The following SPAG1 variants were observed in gnomAD, a reference collection of about 807,000 sequenced individuals.
SPAG1 encodes sperm associated antigen 1, also known as sperm-associated antigen 1.
A neutral mutation model predicts 100.5 loss-of-function variants in SPAG1; 69 were observed. That is an observed-to-expected ratio of 0.69 (90% CI 0.57 to 0.84). The LOEUF (loss-of-function observed/expected upper bound fraction) is 0.84, where lower values mean the gene tolerates loss of function less well. Among genes scored for constraint, SPAG1 ranks in the 40% least tolerant of loss-of-function variants. The pLI is 0.00. For missense variants in SPAG1, 955 were observed against 1,133.1 expected (o/e 0.84, Z 2.26); for synonymous variants, 336 against 411.6 (o/e 0.82, Z 2.22).
Position 100,233,514 on chromosome 8 carries a change from G to T in SPAG1, c.2092G>T (p.Ala698Ser), listed in dbSNP as rs1818871365. 1 of 1,609,292 alleles carries T rather than the reference G, an allele frequency of 6.2e-7. No individual in the cohort carries two copies. Among genetic ancestry groups the T allele is most frequent in the African/African-American group, 1.3e-5 (1 of 74,898 alleles). ...GAACGTGAAAGCCTTCTATAGACGA[G>T]CTCTGGCTCATAAAGGACTCAAGGT... ...DGNVKAFYRR[A>S]LAHKGLKNYQ... is the part of the protein sequence containing the mutation. The change falls in exon 16 of 19, where the codon GCT (alanine) becomes TCT (serine). Residue 698 changes from alanine to serine, a missense_variant. Physicochemically the swap from Ala to Ser is moderately conservative, Grantham distance 99. Transcript: ENST00000388798.
chr8:100,229,724 T>A (rs1379971251), intron 14 of SPAG1, among the ~76,000 whole-genome samples: 1 of 152,246 alleles, frequency 6.6e-6, no homozygotes, highest in Non-Finnish European at 1.5e-5. Context: ...CACTGCAAGA[T>A]AATAGGGATA....
intron 6 of SPAG1, 136 bp from the exon 7 acceptor site, chr8:100,184,491 AC>A: frequency 2.0e-6 from 1 of 489,592 alleles, no homozygotes; most frequent in Non-Finnish European, 3.5e-6. Context: ...AGCTTGGGGA[AC>A]CTTTTATTTT....
intron 9 of SPAG1, among the ~76,000 whole-genome samples, chr8:100,193,385 C>T (rs949997380): frequency 9.2e-5 from 14 of 151,912 alleles, no homozygotes; most frequent in Admixed American, 3.9e-4. Flanking sequence ...AATTTGAGCC[C>T]GGGAGGTCAA....
At chr8:100,177,734 G>A (rs1317234357) in intron 3 of SPAG1, 82 bp from the exon 4 acceptor site, 1 of 840,026 alleles carries the variant, frequency 1.2e-6, no homozygotes, top group East Asian at 2.7e-5. Context: ...AACTTATATT[G>A]TTCAAGGGTC....
At chr8:100,198,869 A>AT (rs1817145545) in intron 10 of SPAG1, among the ~76,000 whole-genome samples, 1 of 152,236 alleles carries the variant, frequency 6.6e-6, no homozygotes, top group Admixed American at 6.5e-5. Flanking sequence ...TTTCATACAA[A>AT]TGGAATCATA....
intron 17 of SPAG1, among the ~76,000 whole-genome samples, chr8:100,240,025 G>GT (rs1172429319): frequency 2.0e-5 from 3 of 151,876 alleles, no homozygotes; most frequent in Non-Finnish European, 4.4e-5. Context: ...AGCTAGGAAG[G>GT]TTTTTTTTCC....
chr8:100,204,815 A>G (rs1817438280), intron 10 of SPAG1, among the ~76,000 whole-genome samples: 1 of 152,240 alleles, frequency 6.6e-6, no homozygotes, highest in Non-Finnish European at 1.5e-5. Flanking sequence ...CAGACCTAAC[A>G]GTGGCAACTG....
At chr8:100,185,697 T>C (rs1816555057) in intron 7 of SPAG1, among the ~76,000 whole-genome samples, 1 of 152,264 alleles carries the variant, frequency 6.6e-6, no homozygotes, top group Non-Finnish European at 1.5e-5. Context: ...GAATCACTAA[T>C]GCTACCTTAG....
chr8:100,189,893 A>G (rs1816743107), intron 8 of SPAG1, among the ~76,000 whole-genome samples: 1 of 152,242 alleles, frequency 6.6e-6, no homozygotes, highest in Non-Finnish European at 1.5e-5. Context: ...TACAATTTTA[A>G]TTAAATTTAT....
chr8:100,179,183 G>T (rs1024905107), intron 4 of SPAG1, among the ~76,000 whole-genome samples: 2 of 151,846 alleles, frequency 1.3e-5, no homozygotes, highest in Non-Finnish European at 2.9e-5. Context: ...AGGAGTTCAA[G>T]ACCAGCCGGG....
chr8:100,232,875 C>T (rs1818841173), intron 15 of SPAG1, among the ~76,000 whole-genome samples: 1 of 152,182 alleles, frequency 6.6e-6, no homozygotes, highest in Admixed American at 6.5e-5. Flanking sequence ...GCATTCCAGC[C>T]ATATGGAACT....
chr8:100,224,139 G>A (rs1189492500), intron 13 of SPAG1, among the ~76,000 whole-genome samples: 2 of 151,886 alleles, frequency 1.3e-5, no homozygotes, highest in Non-Finnish European at 2.9e-5. Flanking sequence ...TAATGAAAAA[G>A]TGATCACTGA....
intron 8 of SPAG1, among the ~76,000 whole-genome samples, chr8:100,189,208 G>GC (rs1816709205): frequency 1.3e-5 from 2 of 151,284 alleles, no homozygotes; most frequent in Non-Finnish European, 2.9e-5. Flanking sequence ...GGGTGCAGTG[G>GC]CTCATGCTTG....
intron 2 of SPAG1, among the ~76,000 whole-genome samples, chr8:100,164,570 G>A (rs1447354223): frequency 6.6e-6 from 1 of 152,062 alleles, no homozygotes; most frequent in Non-Finnish European, 1.5e-5. Context: ...GATTACAGGT[G>A]CCTGCCACCA....
rs755420883 is a variant in SPAG1, at chr8:100,240,867, T to TG, written c.2650-24_2650-23insG. On this transcript the variant is annotated intron_variant, in intron 18 of 18. Coordinates refer to ENST00000388798, the MANE Select transcript of SPAG1 (RefSeq NM_003114.5). The stretch of plus-strand genomic sequence containing the variant: ...ATGCTAACATAGTTGGTTTTTTGTT[T>TG]TTTTTTTTTTTTGCTTCTTTTAGAT... 7 of 1,482,964 alleles carry TG rather than the reference T, an allele frequency of 4.7e-6. No individual in the cohort carries two copies. In the South Asian group the frequency reaches 5.1e-5, roughly 11 times the overall value. The allele number at this position is 1,482,964 out of a possible 1,614,324, so 91.9% of individuals were successfully genotyped here.
chr8:100,165,016 A>C (rs192260516), intron 2 of SPAG1, among the ~76,000 whole-genome samples: 1 of 152,300 alleles, frequency 6.6e-6, no homozygotes, highest in East Asian at 1.9e-4. Flanking sequence ...TGAGGTAGCA[A>C]TCTTCTGTGA....
At position 100,203,682 on chromosome 8, in the gene SPAG1, G is replaced by T. The variant is rs374247367; in HGVS notation, c.1097-9408G>T. Among the ~76,000 whole-genome samples, 47 of 152,302 alleles carry T rather than the reference G, an allele frequency of 3.1e-4. No individual in the cohort carries two copies. The East Asian group carries it at 8.1e-3, about 26-fold the overall frequency. ...AGAACCAAGGAACATAATGAAGCTG[G>T]TTGGTTGCTCCTAAGTTCAGTGGAC... On this transcript the variant is annotated intron_variant, in intron 10 of 18. Coordinates refer to ENST00000388798, the MANE Select transcript of SPAG1 (RefSeq NM_003114.5).
At chr8:100,183,840 C>A (rs1250403408) in intron 5 of SPAG1, 116 bp from the exon 6 acceptor site, 21 of 578,080 alleles carry the variant, frequency 3.6e-5, no homozygotes, top group Non-Finnish European at 5.8e-5. Flanking sequence ...TAACTTACTA[C>A]ATATTTTTGA....
chr8:100,194,239 GA>G lies in SPAG1; in HGVS notation c.1071del (p.Lys357AsnfsTer33). ...GAAGATGAAGAAGGAAAAAGCGGAA[GA>G]AAACATGAAGATGGCGGTGGAGATA... ...NSEDEEGKSG[R>X]KHEDGGGDKK... On this transcript the variant is annotated frameshift_variant, in exon 10 of 19. Transcript: ENST00000388798. LOFTEE classifies it high-confidence loss of function. 6.2e-7 allele frequency: 1 copy of G among 1,608,880 alleles called. No individual in the cohort carries two copies. The highest frequency in any genetic ancestry group is 8.5e-7 in the Non-Finnish European group (1 of 1,175,592).
Sources: allele counts gnomAD v4.1 joint callset (sites outside exome capture counted in the v4.1 genomes callset), GRCh38; gene constraint gnomAD v4.1.1; transcripts MANE v1.5; gene names NCBI Gene and HGNC (gene_info 2026-07-23, HGNC 2026-07-21).